KIAA1614: variants seen among roughly 807,000 people sequenced by gnomAD.
KIAA1614 encodes the protein uncharacterized protein KIAA1614.
Under a neutral mutation model 88.7 loss-of-function variants are expected in KIAA1614, and 76 were observed. The ratio of observed to expected loss-of-function variants is 0.86; its 90% CI spans 0.71 to 1.04. KIAA1614 has a LOEUF of 1.04. Ranked by LOEUF, KIAA1614 falls within the 50% of genes least tolerant of loss-of-function variation. The pLI is 0.00. For missense variants in KIAA1614, 1,553 were observed against 1,582.5 expected, an observed-to-expected ratio of 0.98 and a Z score of 0.32; for synonymous variants, 714 against 675.5, an observed-to-expected ratio of 1.06 and a Z score of -0.88.
chr1:180,928,870 G>A (rs1654133246), intron 4 of KIAA1614, among the ~76,000 whole-genome samples: 1 of 152,266 alleles, frequency 6.6e-6, no homozygotes, highest in Non-Finnish European at 1.5e-5. Context: ...TATGTGGACT[G>A]TGGTGTGAGA....
At chr1:180,914,788 G>GA (rs1466994041) in intron 1 of KIAA1614, among the ~76,000 whole-genome samples, 1 of 151,870 alleles carries the variant, frequency 6.6e-6, no homozygotes, top group Non-Finnish European at 1.5e-5. Context: ...GCCCAGGCTG[G>GA]AGTGCAGTGG....
chr1:180,928,612 T>C, intron 4 of KIAA1614, 39 bp downstream of exon 4: 3 of 1,595,016 alleles, frequency 1.9e-6, no homozygotes, highest in Non-Finnish European at 2.6e-6. Flanking sequence ...GGGAGGGCCA[T>C]AGCAGGGAAG....
At position 180,917,823 on chromosome 1, in the gene KIAA1614, T is replaced by C. The variant is rs776994877; in HGVS notation, c.998-28T>C. 2.5e-5 allele frequency: 40 copies of C among 1,607,370 alleles called. No individual in the cohort carries two copies. In the African/African-American group the frequency reaches 3.7e-4, roughly 15 times the overall value. On this transcript the variant is annotated intron_variant, in intron 2 of 8. Transcript: ENST00000367588. ...GAGAGCCCTGTTTCTGGCTCTGTCC[T>C]GATCTCTGCTTCTGTTCTGGATCCT...
In KIAA1614 at chr1:180,935,277, C is replaced by T. The variant is rs1387260844; in HGVS notation, c.1368C>T (p.Ser456=). The T allele has an allele frequency of 2.7e-6, 4 of 1,508,086 alleles. No individual in the cohort carries two copies. The East Asian group carries it at 7.5e-5, about 28-fold the overall frequency. The allele number at this position is 1,508,086 out of a possible 1,614,324, so 93.4% of individuals were successfully genotyped here. A position where few individuals can be genotyped will look rare whatever the true frequency, so the allele number is the denominator to read the frequency against. Residue 456 remains serine, a synonymous_variant, in exon 5 of 9, where the codon TCC becomes TCT. Transcript: ENST00000367588. The surrounding 1 kb of genome is among the most constrained non-coding windows in gnomAD (Gnocchi z 6.1). ...CGCACGTGCGCTTTGAGGATGAGTC[C>T]GCCCGCGAAGCCGAGTTCCGTCACC... is the stretch of plus-strand genomic sequence containing the variant. ...SPSHVRFEDE[S]AREAEFRHLE...
chr1:180,928,666 TG>T, intron 4 of KIAA1614, 93 bp downstream of exon 4: 2 of 1,368,096 alleles, frequency 1.5e-6, no homozygotes, highest in East Asian at 2.4e-5. Context: ...ATGCTGCTGC[TG>T]CTCGCTCCAT....
chr1:180,933,368 G>A (rs1254756587), intron 4 of KIAA1614, among the ~76,000 whole-genome samples: 1 of 152,178 alleles, frequency 6.6e-6, no homozygotes, highest in Non-Finnish European at 1.5e-5. Flanking sequence ...CCTCTTCTGG[G>A]TTGGTGTGAT....
At chr1:180,934,510 A>G (rs1324204314) in intron 4 of KIAA1614, among the ~76,000 whole-genome samples, 1 of 151,672 alleles carries the variant, frequency 6.6e-6, no homozygotes, top group Admixed American at 6.6e-5. Flanking sequence ...GGATCACTTG[A>G]GCCCCAGAGA....
In KIAA1614 at chr1:180,941,034, T is replaced by G; in HGVS notation, c.2919-11T>G. On this transcript the variant is annotated splice_polypyrimidine_tract_variant and intron_variant, in intron 6 of 8. Transcript: ENST00000367588. ...CTCCCCCGCCCCCTCACCTCCACCCTTGTGTTTCAGAGCATCAGCAGGAGC... is the reference window on the plus strand; with the variant it reads ...CTCCCCCGCCCCCTCACCTCCACCCGTGTGTTTCAGAGCATCAGCAGGAGC... 1 of 219,872 alleles carries G rather than the reference T, an allele frequency of 4.5e-6. No homozygotes were observed. Among genetic ancestry groups the G allele is most frequent in the Non-Finnish European group, 6.6e-6 (1 of 151,556 alleles). 13.6% of individuals were successfully genotyped at this position (219,872 alleles called of 1,614,324 possible). A position where few individuals can be genotyped will look rare whatever the true frequency, so the allele number is the denominator to read the frequency against.
rs149910072 is a variant in KIAA1614 at position 180,935,920 on chromosome 1, C to T, written c.2011C>T (p.Leu671Phe). 4 of 1,613,988 alleles carry T rather than the reference C, an allele frequency of 2.5e-6. No individual in the cohort carries two copies. Among genetic ancestry groups the T allele is most frequent in the Admixed American group, 3.3e-5 (2 of 60,030 alleles). Residue 671 changes from leucine to phenylalanine, a missense_variant, in exon 5 of 9, where the codon CTT (leucine) becomes TTT (phenylalanine). Physicochemically the swap from Leu to Phe is conservative, Grantham distance 22 (BLOSUM62 0). Transcript: ENST00000367588. This position sits in a 1 kb window ranked among gnomAD's most constrained non-coding sequence, Gnocchi z 6.1. ...KKAEAELPWG[L>F]QAQQHLPRAD... is the part of the protein sequence containing the mutation. ...GGCTGAGGCGGAGCTCCCTTGGGGC[C>T]TTCAGGCCCAGCAACACCTGCCTAG... is the stretch of plus-strand genomic sequence containing the variant.
intron 2 of KIAA1614, 70 bp downstream of exon 2, chr1:180,917,170 G>A (rs534429411): frequency 2.1e-5 from 26 of 1,251,650 alleles, no homozygotes; most frequent in Middle Eastern, 2.5e-4. Context: ...AAAAGGGGAC[G>A]AGGGGGTCCC....
rs1381381288 is a variant in KIAA1614 at position 180,916,631 on chromosome 1, A to G, written c.528A>G (p.Gly176=). ...GGCTTCCCAGGCCGCCTGCCCCTGG[A>G]CGTGAGTACTGCAACAGGGGGAGCC... is the stretch of plus-strand genomic sequence containing the variant. ...GPRLPRPPAP[G]REYCNRGSPW... Residue 176 remains glycine, a synonymous_variant, in exon 2 of 9, where the codon GGA becomes GGG. Transcript: ENST00000367588. 1.2e-6 allele frequency: 2 copies of G among 1,601,872 alleles called. No homozygotes were observed. The highest frequency in any genetic ancestry group is 1.7e-5 in the Admixed American group (1 of 59,258).
At chr1:180,934,039 G>C (rs965975232) in intron 4 of KIAA1614, among the ~76,000 whole-genome samples, 3 of 152,250 alleles carry the variant, frequency 2.0e-5, no homozygotes, top group African/African-American at 7.2e-5. Flanking sequence ...CAGATCACCT[G>C]AGGTCGGGAG....
rs765322492 is a variant in KIAA1614 at position 180,935,189 on chromosome 1, C to G, written c.1280C>G (p.Thr427Arg). The G allele has an allele frequency of 6.7e-6, 10 of 1,483,474 alleles. No individual in the cohort carries two copies. Among genetic ancestry groups the G allele is most frequent in the Admixed American group, 2.5e-5 (1 of 40,490 alleles). The allele number at this position is 1,483,474 out of a possible 1,614,324, so 91.9% of individuals were successfully genotyped here. A position where few individuals can be genotyped will look rare whatever the true frequency, so the allele number is the denominator to read the frequency against. ...ACRDSLQNGH[T>R]SDSSSGESSG... The stretch of plus-strand genomic sequence containing the variant: ...AGAGACAGCCTCCAGAACGGGCACA[C>G]GAGCGATTCCTCCAGCGGAGAGTCC... The change falls in exon 5 of 9, where the codon ACG (threonine) becomes AGG (arginine). Residue 427 changes from threonine (T) to arginine (R), a missense_variant. Physicochemically the swap from Thr to Arg is moderately conservative, Grantham distance 71. Transcript: ENST00000367588. The surrounding 1 kb of genome is among the most constrained non-coding windows in gnomAD (Gnocchi z 6.1).
In KIAA1614 at chr1:180,928,423, G is replaced by A. The variant is rs373003915; in HGVS notation, c.1062-7G>A. ...CCCACCACCCTGGCCTGTGTGCCAC[G>A]CTGCAGGACCGTTGGTCCCAACCCG... On this transcript the variant is annotated splice_region_variant and splice_polypyrimidine_tract_variant and intron_variant, in intron 3 of 8. Transcript: ENST00000367588. The A allele has an allele frequency of 1.7e-5, 27 of 1,595,268 alleles. No individual in the cohort carries two copies. The highest frequency in any genetic ancestry group is 3.4e-5 in the Admixed American group (2 of 58,358).
Position 180,949,304 on chromosome 1 carries a change from G to C in KIAA1614, c.*3716G>C, listed in dbSNP as rs1022174258. The C allele has an allele frequency of 6.6e-6, 1 of 152,446 alleles. No homozygotes were observed. The highest frequency in any genetic ancestry group is 2.1e-4 in the South Asian group (1 of 4,838). 9.4% of individuals were successfully genotyped at this position (152,446 alleles called of 1,614,324 possible). ...CCCCGCAGTCCCTCCAGCAAACTCA[G>C]CTTGTGTCTCAGCCCCTGTGTCCAC... On this transcript the variant is annotated 3_prime_UTR_variant, in exon 9 of 9. Coordinates refer to ENST00000367588, the MANE Select transcript of KIAA1614 (RefSeq NM_020950.2).
In KIAA1614 at chr1:180,938,722, GGA is replaced by G; in HGVS notation, c.2918+14_2918+15del. ...ACATGTGCTGTCAAGGTGAGTGACA[GGA>G]GAAAGAGCCAGATTGCAGAAGGAGG... is the stretch of plus-strand genomic sequence containing the variant. On this transcript the variant is annotated intron_variant, in intron 6 of 8. Coordinates refer to ENST00000367588, the MANE Select transcript of KIAA1614 (RefSeq NM_020950.2). 1.9e-6 allele frequency: 3 copies of G among 1,612,844 alleles called. No homozygotes were observed. The highest frequency in any genetic ancestry group is 2.5e-6 in the Non-Finnish European group (3 of 1,179,200).
At chr1:180,938,042 C>T (rs558074673) in intron 5 of KIAA1614, among the ~76,000 whole-genome samples, 5 of 152,312 alleles carry the variant, frequency 3.3e-5, no homozygotes, top group South Asian at 2.1e-4. Context: ...CCTAGGACTC[C>T]GTGAACTCAT....
chr1:180,916,121 G>T, intron 1 of KIAA1614, 33 bp from the exon 2 acceptor site: 1 of 1,504,524 alleles, frequency 6.6e-7, no homozygotes, highest in Non-Finnish European at 8.9e-7. Context: ...TCCTGTGCTG[G>T]GTCTTAGGAA....
At chr1:180,920,225 T>C (rs913004244) in intron 3 of KIAA1614, among the ~76,000 whole-genome samples, 4 of 152,154 alleles carry the variant, frequency 2.6e-5, no homozygotes, top group South Asian at 2.1e-4. Flanking sequence ...CCTGCAGGGC[T>C]CCCTCTCTCC....
Sources: allele counts gnomAD v4.1 joint callset (sites outside exome capture counted in the v4.1 genomes callset), GRCh38; gene constraint gnomAD v4.1.1; non-coding constraint Gnocchi (gnomAD v3.1); transcripts MANE v1.5; gene names NCBI Gene and HGNC (gene_info 2026-07-23, HGNC 2026-07-21).